The following TEX11 variants were observed in gnomAD, a reference collection of about 807,000 sequenced individuals.
TEX11 encodes testis-expressed protein 11.
TEX11 carries 7 observed loss-of-function variants against 84.4 expected under a neutral mutation model. The observed-to-expected ratio is 0.08, with a 90% CI of 0.05 to 0.16. TEX11 has a LOEUF of 0.16. TEX11 is among the 10% of genes least tolerant of loss of function. The pLI is 1.00. For synonymous variants in TEX11, 264 were observed against 222.8 expected (o/e 1.18, Z -1.64); for missense variants, 551 against 660.5 (o/e 0.83, Z 1.82).
Position 70,553,405 on chromosome X carries a change from A to G in TEX11, c.2300T>C (p.Met767Thr), listed in dbSNP as rs1485266259. 4 of 1,190,324 alleles carry G rather than the reference A, an allele frequency of 3.4e-6. No individual in the cohort carries two copies. The highest frequency in any genetic ancestry group is 2.3e-4 in the Middle Eastern group (1 of 4,277). The change falls in exon 27 of 30, where the codon ATG (methionine) becomes ACG (threonine). Residue 767 changes from methionine (M) to threonine (T), a missense_variant. Coordinates refer to ENST00000374333, the MANE Select transcript of TEX11 (RefSeq NM_031276.3). ...CAAAGGATAGTGTGCAGGCTTTTCC[A>G]TTGCTATTACTAGAGTAAGAAAAGG... ...KTFETIAIIA[M>T]EKPAHYPLIA...
intron 8 of TEX11, among the ~76,000 whole-genome samples, chrX:70,824,873 C>T (rs2147824967): frequency 9.0e-6 from 1 of 111,338 alleles, no homozygotes; most frequent in East Asian, 2.8e-4. Flanking sequence ...AAGCACACTG[C>T]AAAATTGAAA....
At chrX:70,861,813 T>C (rs2147859440) in intron 4 of TEX11, among the ~76,000 whole-genome samples, 1 of 110,435 alleles carries the variant, frequency 9.1e-6, no homozygotes, top group African/African-American at 3.3e-5. Context: ...AGGTCTTAAG[T>C]CCCAAAGACT....
At chrX:70,619,154 T>C (rs1410094622) in intron 20 of TEX11, among the ~76,000 whole-genome samples, 1 of 111,517 alleles carries the variant, frequency 9.0e-6, no homozygotes, top group Non-Finnish European at 1.9e-5. Flanking sequence ...GTTTCCTACC[T>C]GATGAAACAT....
At chrX:70,794,288 T>C (rs989716846) in intron 9 of TEX11, among the ~76,000 whole-genome samples, 2 of 111,850 alleles carry the variant, frequency 1.8e-5, no homozygotes, top group African/African-American at 6.5e-5. Flanking sequence ...TTGACGTCAA[T>C]GGAGAGCACA....
intron 28 of TEX11, among the ~76,000 whole-genome samples, chrX:70,534,793 A>G (rs910178879): frequency 8.9e-6 from 1 of 112,098 alleles, no homozygotes; most frequent in Non-Finnish European, 1.9e-5. Flanking sequence ...AAAATACCAT[A>G]GTTTATCTAA....
chrX:70,641,743 A>G (rs1603182934), intron 17 of TEX11, among the ~76,000 whole-genome samples: 1 of 110,059 alleles, frequency 9.1e-6, no homozygotes, highest in South Asian at 4.1e-4. Flanking sequence ...ACAACATACC[A>G]GAATCTCTGG....
chrX:70,858,836 G>C (rs912190018), intron 5 of TEX11, among the ~76,000 whole-genome samples: 1 of 110,835 alleles, frequency 9.0e-6, no homozygotes, highest in Admixed American at 9.6e-5. Flanking sequence ...TCAGGAGTTC[G>C]TGACCAGCCT....
In TEX11 at chrX:70,729,933, G is replaced by T. The variant is rs1051914451; in HGVS notation, c.844-4590C>A. 3.6e-5 allele frequency among the ~76,000 whole-genome samples: 4 copies of T among 112,394 alleles called. No individual in the cohort carries two copies. The Admixed American group carries it at 3.8e-4, about 11-fold the overall frequency. ...AGAAAGGTCGGGTTACCCACAAGGGGAAGTCCATCAGACTAACAGCTGATC... is the reference window on the plus strand; with the variant it reads ...AGAAAGGTCGGGTTACCCACAAGGGTAAGTCCATCAGACTAACAGCTGATC... On this transcript the variant is annotated intron_variant, in intron 11 of 29. Transcript: ENST00000374333.
intron 25 of TEX11, among the ~76,000 whole-genome samples, 156 bp downstream of exon 25, chrX:70,591,595 C>T (rs1244670104): frequency 9.1e-6 from 1 of 110,470 alleles, no homozygotes; most frequent in Non-Finnish European, 1.9e-5. Context: ...ACAGTGAGAC[C>T]CTGACTCGAA....
intron 8 of TEX11, among the ~76,000 whole-genome samples, chrX:70,809,944 T>TA (rs1309425770): frequency 3.6e-5 from 4 of 111,612 alleles, no homozygotes; most frequent in African/African-American, 1.3e-4. Flanking sequence ...TACACACTGA[T>TA]AAAAAAGAAT....
At chrX:70,750,929 A>ATAT (rs1556039277) in intron 9 of TEX11, among the ~76,000 whole-genome samples, 4 of 26,680 alleles carry the variant, frequency 1.5e-4, no homozygotes, top group African/African-American at 3.8e-4. Flanking sequence ...AATAAAAAAA[A>ATAT]AAAAATATAT....
rs778615042 is a variant in TEX11 at position 70,644,600 on chromosome X, T to G, written c.1483+6850A>C. 1.3e-4 allele frequency among the ~76,000 whole-genome samples: 13 copies of G among 101,399 alleles called. No individual in the cohort carries two copies. The South Asian group carries it at 1.5e-3, about 12-fold the overall frequency. 88.1% of individuals were successfully genotyped at this position (101,399 alleles called of 115,157 possible). A position where few individuals can be genotyped will look rare whatever the true frequency, so the allele number is the denominator to read the frequency against. ...TGGAATACTATGCAGCCATAAAAAA[T>G]GATGAGTTCATGTCCTTTGTAGGGA... On this transcript the variant is annotated intron_variant, in intron 17 of 29. Coordinates refer to ENST00000374333, the MANE Select transcript of TEX11 (RefSeq NM_031276.3).
At chrX:70,708,857 TAGG>T (rs1255457401) in intron 13 of TEX11, among the ~76,000 whole-genome samples, 2 of 109,071 alleles carry the variant, frequency 1.8e-5, no homozygotes, top group African/African-American at 6.7e-5. Context: ...TGCTCACTAC[TAGG>T]GTACAATATA....
At chrX:70,674,597 T>C (rs2147643100) in intron 15 of TEX11, among the ~76,000 whole-genome samples, 1 of 112,424 alleles carries the variant, frequency 8.9e-6, no homozygotes, top group South Asian at 3.7e-4. Context: ...ATCTTGGCTA[T>C]TTTCATTCCA....
chrX:70,657,393 T>A (rs1419855190), intron 16 of TEX11, among the ~76,000 whole-genome samples: 22 of 109,528 alleles, frequency 2.0e-4, no homozygotes, highest in African/African-American at 6.3e-4. Context: ...GAAAACTAAT[T>A]TCACATCAAA....
At chrX:70,770,981 A>C (rs1395815760) in intron 9 of TEX11, among the ~76,000 whole-genome samples, 1 of 111,971 alleles carries the variant, frequency 8.9e-6, no homozygotes, top group African/African-American at 3.2e-5. Flanking sequence ...TATATAGATA[A>C]TTTTAAATGG....
At chrX:70,724,867 T>A (rs1401687461) in intron 12 of TEX11, among the ~76,000 whole-genome samples, 2 of 110,996 alleles carry the variant, frequency 1.8e-5, no homozygotes, top group African/African-American at 6.5e-5. Flanking sequence ...CCTTGGAGAA[T>A]TATGAAAAAT....
intron 25 of TEX11, among the ~76,000 whole-genome samples, chrX:70,563,968 C>T (rs192046450): frequency 8.9e-6 from 1 of 112,242 alleles, no homozygotes; most frequent in Admixed American, 9.4e-5. Flanking sequence ...GTGGTCCACG[C>T]CTGTAATCCC....
At chrX:70,643,964 T>G (rs1339715688) in intron 17 of TEX11, among the ~76,000 whole-genome samples, 1 of 103,460 alleles carries the variant, frequency 9.7e-6, no homozygotes, top group Non-Finnish European at 2.0e-5. Flanking sequence ...CAAAAGAAAC[T>G]ACCATCAGAG....
Sources: allele counts gnomAD v4.1 joint callset (sites outside exome capture counted in the v4.1 genomes callset), GRCh38; gene constraint gnomAD v4.1.1; transcripts MANE v1.5; gene names NCBI Gene and HGNC (gene_info 2026-07-23, HGNC 2026-07-21).